The following ZP1 variants were observed in gnomAD, a reference collection of about 807,000 sequenced individuals.
ZP1 encodes zona pellucida sperm-binding protein 1.
A neutral mutation model predicts 67.4 loss-of-function variants in ZP1; 58 were observed. That is an observed-to-expected ratio of 0.86 (90% confidence interval 0.70 to 1.07). The LOEUF is 1.07. Among genes scored for constraint, ZP1 ranks in the 50% least tolerant of loss-of-function variants. The probability of loss-of-function intolerance (pLI) is 0.00; values close to 1 mark genes in which losing one functional copy is unlikely to be tolerated. For synonymous variants in ZP1, 333 were observed against 332.7 expected (o/e 1.00, Z -0.01); for missense variants, 759 against 807.3 (o/e 0.94, Z 0.72).
Position 60,873,646 on chromosome 11 carries a change from G to C in ZP1, c.1443G>C (p.Lys481Asn), listed in dbSNP as rs1482356394. 1 of 1,614,140 alleles carries C rather than the reference G, an allele frequency of 6.2e-7. No individual in the cohort carries two copies. The highest frequency in any genetic ancestry group is 1.7e-5 in the Admixed American group (1 of 60,020). The part of the protein sequence containing the change: ...WPILSDGCPF[K>N]GDSYRTQMVA... ...CTTCTCTTCTCAGATGCCCTTTCAA[G>C]GGCGACAGCTACAGAACCCAAATGG... Residue 481 changes from lysine to asparagine, a missense_variant, in exon 9 of 12, where the codon AAG (lysine) becomes AAC (asparagine). Transcript: ENST00000278853.
rs1298638468 is a variant in ZP1 at position 60,875,144 on chromosome 11, C to G, written c.1670C>G (p.Ser557Ter). The G allele has an allele frequency of 6.2e-7, 1 of 1,613,922 alleles. No individual in the cohort carries two copies. The highest frequency in any genetic ancestry group is 8.5e-7 in the Non-Finnish European group (1 of 1,180,016). Residue 557 changes from serine (S) to a stop codon, truncating the protein, a stop_gained, in exon 11 of 12, where the codon TCA becomes TGA. Transcript: ENST00000278853. LOFTEE classifies it high-confidence loss of function. ...CCCTGGGCAGGACAGCGACGATCCT[C>G]AGGTCACCGTAATGACACTGCCAGG... ...STGTTRQRRS[S>*]GHRNDTARPQ...
In ZP1 at chr11:60,875,596, T is replaced by C. The variant is rs1299405106; in HGVS notation, c.1857T>C (p.Gly619=). 5 of 1,614,196 alleles carry C rather than the reference T, an allele frequency of 3.1e-6. No homozygotes were observed. The highest frequency in any genetic ancestry group is 4.2e-6 in the Non-Finnish European group (5 of 1,180,028). Residue 619 remains glycine (G), a synonymous_variant, in exon 12 of 12, where the codon GGT becomes GGC. Transcript: ENST00000278853. ...CTGTTGCCCTGGTCCTTGGGTTTGG[T>C]GTCTTTGTGGGCCTGAGCCAGACCT... ...LPAVALVLGF[G]VFVGLSQTWA...
rs747095731 is a variant in ZP1 at position 60,867,585 on chromosome 11, C to T, written c.24C>T (p.Thr8=). The change falls in exon 1 of 12, where the codon ACC becomes ACT. Residue 8 remains threonine, a synonymous_variant. Coordinates refer to ENST00000278853, the MANE Select transcript of ZP1 (RefSeq NM_207341.4). The part of the protein sequence containing the change: MAGGSAT[T]WGYPVALLLL... ...TCATGGCAGGAGGCTCAGCCACGAC[C>T]TGGGGTTACCCTGTGGCCCTGCTAC... The T allele has an allele frequency of 6.2e-7, 1 of 1,611,880 alleles. No homozygotes were observed. Among genetic ancestry groups the T allele is most frequent in the Admixed American group, 1.7e-5 (1 of 59,888 alleles).
intron 1 of ZP1, among the ~76,000 whole-genome samples, chr11:60,868,726 C>A (rs1238853071): frequency 6.6e-6 from 1 of 152,244 alleles, no homozygotes; most frequent in Admixed American, 6.5e-5. Context: ...GGATTCAAAT[C>A]CTCATTCTGC....
rs989997074 is a variant in ZP1, at chr11:60,873,689, A to C, written c.1486A>C (p.Thr496Pro). The change falls in exon 9 of 12, where the codon ACA becomes CCA. Residue 496 changes from threonine to proline, a missense_variant. By Grantham distance (38) the Thr-to-Pro change is conservative. Coordinates refer to ENST00000278853, the MANE Select transcript of ZP1 (RefSeq NM_207341.4). ...RTQMVALDGA[T>P]PFQSHYQRFT... ...CCAAATGGTAGCCTTGGACGGGGCC[A>C]CACCTTTCCAGTCGCACTACCAGCG... The C allele has an allele frequency of 1.2e-6, 2 of 1,614,040 alleles. No homozygotes were observed. The highest frequency in any genetic ancestry group is 1.7e-6 in the Non-Finnish European group (2 of 1,180,030).
Position 60,870,400 on chromosome 11 carries a change from TC to T in ZP1, c.752del (p.Ser251Ter). ...CCTCCCCTGCATCGTGAGAAGAACT[TC>T]AAAAGAAGCCTGTCAGCAGGCTGGC... ...GHLPCIVRRT[S>X]KEACQQAGCC... On this transcript the variant is annotated frameshift_variant, in exon 4 of 12. Coordinates refer to ENST00000278853, the MANE Select transcript of ZP1 (RefSeq NM_207341.4). LOFTEE classifies it high-confidence loss of function. 6.2e-7 allele frequency: 1 copy of T among 1,613,432 alleles called. No homozygotes were observed. Among genetic ancestry groups the T allele is most frequent in the South Asian group, 1.1e-5 (1 of 90,908 alleles).
chr11:60,873,681 A>AC lies in ZP1; in HGVS notation c.1479dup (p.Gly494ArgfsTer54). 1 of 1,614,124 alleles carries AC rather than the reference A, an allele frequency of 6.2e-7. No homozygotes were observed. The highest frequency in any genetic ancestry group is 8.5e-7 in the Non-Finnish European group (1 of 1,180,016). ...TACAGAACCCAAATGGTAGCCTTGG[A>AC]CGGGGCCACACCTTTCCAGTCGCAC... On this transcript the variant is annotated frameshift_variant, in exon 9 of 12. Transcript: ENST00000278853. LOFTEE classifies it high-confidence loss of function.
At chr11:60,871,388 C>A in intron 6 of ZP1, 74 bp downstream of exon 6, 1 of 1,505,482 alleles carries the variant, frequency 6.6e-7, no homozygotes, top group Non-Finnish European at 9.1e-7. Flanking sequence ...TCAGTACAGG[C>A]TTCGGAGCCA....
chr11:60,873,258 C>T lies in ZP1; in HGVS notation c.1209C>T (p.Gly403=), dbSNP rs201655082. The T allele has an allele frequency of 4.4e-6, 7 of 1,594,048 alleles. No homozygotes were observed. The East Asian group carries it at 1.3e-4, about 31-fold the overall frequency. Residue 403 remains glycine, a synonymous_variant, in exon 7 of 12, where the codon GGC becomes GGT. Transcript: ENST00000278853. ...CGCCTGCTCCTATGACCCAGCCCGGCCCCCTGCGGCTTGAGCTGCGGATTG... is the reference window on the plus strand; with the variant it reads ...CGCCTGCTCCTATGACCCAGCCCGGTCCCCTGCGGCTTGAGCTGCGGATTG... ...PPSPAPMTQP[G]PLRLELRIAK...
intron 9 of ZP1, 152 bp downstream of exon 9, chr11:60,873,927 G>A (rs1283242283): frequency 3.9e-5 from 41 of 1,044,696 alleles, no homozygotes; most frequent in Admixed American, 1.0e-4. Flanking sequence ...AGCGGGCTTC[G>A]GGTCAGCAAG....
chr11:60,870,875 A>G lies in ZP1; in HGVS notation c.827-82A>G, dbSNP rs1012652904. 56 of 1,476,296 alleles carry G rather than the reference A, an allele frequency of 3.8e-5. No homozygotes were observed. The Middle Eastern group carries it at 5.4e-4, about 14-fold the overall frequency. 91.4% of individuals were successfully genotyped at this position (1,476,296 alleles called of 1,614,324 possible). ...CGTCCATTCTCCTAGACCGGCACTT[A>G]AAGCCTGGCTGTCACCCAGCCATCC... is the stretch of plus-strand genomic sequence containing the variant. On this transcript the variant is annotated intron_variant, in intron 4 of 11. Transcript: ENST00000278853.
Position 60,869,592 on chromosome 11 carries a change from T to A in ZP1, c.374T>A (p.Val125Glu), listed in dbSNP as rs762991977. ...FMEAVLPNGR[V>E]DVAQDATLIC... ...GAGGCTGTGCTGCCCAATGGTCGTG[T>A]GGATGTGGCACAAGACGCTACTCTG... The change falls in exon 3 of 12, where the codon GTG (valine) becomes GAG (glutamate). Residue 125 changes from valine to glutamate, a missense_variant. Val to Glu is a moderately radical substitution (Grantham distance 121, BLOSUM62 -2). Coordinates refer to ENST00000278853, the MANE Select transcript of ZP1 (RefSeq NM_207341.4). 6.2e-7 allele frequency: 1 copy of A among 1,613,868 alleles called. No individual in the cohort carries two copies. Among genetic ancestry groups the A allele is most frequent in the Non-Finnish European group, 8.5e-7 (1 of 1,179,882 alleles).
Position 60,875,602 on chromosome 11 carries a change from T to C in ZP1, c.1863T>C (p.Phe621=), listed in dbSNP as rs1408521337. The C allele has an allele frequency of 1.9e-6, 3 of 1,614,062 alleles. No homozygotes were observed. The African/African-American group carries it at 4.0e-5, about 22-fold the overall frequency. Residue 621 remains phenylalanine (F), a synonymous_variant, in exon 12 of 12, where the codon TTT becomes TTC. Transcript: ENST00000278853. ...AVALVLGFGV[F]VGLSQTWAQK... ...CCCTGGTCCTTGGGTTTGGTGTCTTTGTGGGCCTGAGCCAGACCTGGGCCC... is the reference window on the plus strand; with the variant it reads ...CCCTGGTCCTTGGGTTTGGTGTCTTCGTGGGCCTGAGCCAGACCTGGGCCC...
chr11:60,869,298 A>C, intron 2 of ZP1, 32 bp downstream of exon 2: 3 of 1,613,262 alleles, frequency 1.9e-6, no homozygotes, highest in Non-Finnish European at 2.5e-6. Flanking sequence ...GCACAGGGGC[A>C]AGCTTGTCCT....
At chr11:60,873,074 AC>A in intron 6 of ZP1, 87 bp from the exon 7 acceptor site, 1 of 1,439,936 alleles carries the variant, frequency 6.9e-7, no homozygotes, top group Non-Finnish European at 9.4e-7. Flanking sequence ...TATTTGTTGC[AC>A]CCACGGAGTT....
chr11:60,870,530 A>T (rs1855547996), intron 4 of ZP1, 55 bp downstream of exon 4: 1 of 1,533,044 alleles, frequency 6.5e-7, no homozygotes, highest in African/African-American at 1.4e-5. Flanking sequence ...AAGCGGAAGG[A>T]GAGCTGTCTC....
At chr11:60,867,811 G>A (rs1855499271) in intron 1 of ZP1, 54 bp downstream of exon 1, 2 of 1,573,800 alleles carry the variant, frequency 1.3e-6, no homozygotes, top group Non-Finnish European at 1.7e-6. Flanking sequence ...GCTGCTGCCA[G>A]AAGGGAGCTG....
In ZP1 at chr11:60,875,686, T is replaced by G; in HGVS notation, c.*30T>G. 1 of 1,607,242 alleles carries G rather than the reference T, an allele frequency of 6.2e-7. No homozygotes were observed. The highest frequency in any genetic ancestry group is 8.5e-7 in the Non-Finnish European group (1 of 1,177,080). ...GCCCAATAAACAATCATTTCAAACCTACTGAAACCAGGTGTGGAGAAGTTA... is the reference window on the plus strand; with the variant it reads ...GCCCAATAAACAATCATTTCAAACCGACTGAAACCAGGTGTGGAGAAGTTA... On this transcript the variant is annotated 3_prime_UTR_variant, in exon 12 of 12. Transcript: ENST00000278853.
At chr11:60,867,978 G>T (rs1289538430) in intron 1 of ZP1, among the ~76,000 whole-genome samples, 3 of 152,010 alleles carry the variant, frequency 2.0e-5, no homozygotes, top group African/African-American at 7.2e-5. Flanking sequence ...TGGCCACCTT[G>T]TTGAGGTGCA....
Sources: gnomAD v4.1 joint callset for allele counts (sites outside exome capture counted in the v4.1 genomes callset) on GRCh38, gnomAD v4.1.1 for gene constraint, MANE v1.5 for transcripts, NCBI Gene and HGNC (gene_info 2026-07-23, HGNC 2026-07-21) for gene names.